The following NOTCH2 variants were observed in gnomAD, a reference collection of about 807,000 sequenced individuals.
NOTCH2 encodes the protein neurogenic locus notch homolog protein 2.
Under a neutral mutation model 235.8 loss-of-function variants are expected in NOTCH2, and 29 were observed. The observed-to-expected ratio is 0.12, with a 90% CI of 0.09 to 0.17. The LOEUF (loss-of-function observed/expected upper bound fraction) is 0.17, where lower values mean the gene tolerates loss of function less well. Among genes scored for constraint, NOTCH2 ranks in the 10% least tolerant of loss-of-function variants. The pLI is 1.00. For missense variants in NOTCH2, 2,285 were observed against 3,150.2 expected, an observed-to-expected ratio of 0.73 and a Z score of 6.57; for synonymous variants, 1,086 against 1,141.5, an observed-to-expected ratio of 0.95 and a Z score of 0.98.
At chr1:120,039,409 C>CGT (rs1208782219) in intron 1 of NOTCH2, among the ~76,000 whole-genome samples, 1 of 127,060 alleles carries the variant, frequency 7.9e-6, no homozygotes, top group African/African-American at 3.1e-5. Context: ...CTTTTTAAAG[C>CGT]TTTTTTTTTT....
At chr1:120,000,213 G>A (rs1447222152) in intron 3 of NOTCH2, among the ~76,000 whole-genome samples, 1 of 151,856 alleles carries the variant, frequency 6.6e-6, no homozygotes, top group African/African-American at 2.4e-5. Context: ...TTCCTAAAGT[G>A]ATAGACAAAA....
intron 11 of NOTCH2, among the ~76,000 whole-genome samples, chr1:119,962,399 T>C (rs1201108207): frequency 1.3e-5 from 2 of 152,192 alleles, no homozygotes; most frequent in African/African-American, 2.4e-5. Context: ...CGGAAGCAAA[T>C]TGCTTTTGGA....
chr1:119,986,911 G>C (rs1652040733), intron 5 of NOTCH2, 49 bp downstream of exon 5: 1 of 1,612,326 alleles, frequency 6.2e-7, no homozygotes. Flanking sequence ...GTCTGCCTCT[G>C]GTTACCAATC....
intron 5 of NOTCH2, among the ~76,000 whole-genome samples, chr1:119,982,616 A>G (rs1553201794): frequency 2.6e-5 from 4 of 152,254 alleles, no homozygotes; most frequent in African/African-American, 9.6e-5. Context: ...AGTATAATAA[A>G]GACGTTTGTG....
chr1:119,999,917 G>GAGAAAGAAAGAAAGAAAGAA (rs71260137), intron 3 of NOTCH2, among the ~76,000 whole-genome samples: 1 of 91,100 alleles, frequency 1.1e-5, no homozygotes, highest in Non-Finnish European at 2.4e-5. Context: ...GAGAAAGAGA[G>GAGAAAGAAAGAAAGAAAGAA]AGAAAGAAAG....
intron 22 of NOTCH2, among the ~76,000 whole-genome samples, chr1:119,931,678 C>A (rs1190217025): frequency 6.6e-6 from 1 of 151,760 alleles, no homozygotes; most frequent in African/African-American, 2.4e-5. Context: ...ATATAAAAAA[C>A]AAAATATTCA....
Position 119,915,048 on chromosome 1 carries a change from C to A in NOTCH2, c.*258G>T, listed in dbSNP as rs2101140699. On this transcript the variant is annotated 3_prime_UTR_variant, in exon 34 of 34. Transcript: ENST00000256646. The stretch of plus-strand genomic sequence containing the variant: ...TATTCTCCAAATAGAAGAGAGTAAA[C>A]ATGGACCCAAGGCTTGTATTCATCT... The A allele has an allele frequency of 1.9e-6, 1 of 533,400 alleles. No homozygotes were observed. Among genetic ancestry groups the A allele is most frequent in the Non-Finnish European group, 3.4e-6 (1 of 295,050 alleles). The allele number at this position is 533,400 out of a possible 1,614,324, so 33.0% of individuals were successfully genotyped here.
chr1:120,037,196 G>A (rs1414221304), intron 1 of NOTCH2, among the ~76,000 whole-genome samples: 1 of 151,920 alleles, frequency 6.6e-6, no homozygotes, highest in Non-Finnish European at 1.5e-5. Flanking sequence ...TTAACGTCTT[G>A]ACTGTCTGAG....
chr1:119,948,624 C>A, intron 16 of NOTCH2, 58 bp from the exon 17 acceptor site: 3 of 1,598,568 alleles, frequency 1.9e-6, no homozygotes, highest in Non-Finnish European at 2.6e-6. Flanking sequence ...CCACAAAAAT[C>A]TACGCAGGAC....
intron 22 of NOTCH2, among the ~76,000 whole-genome samples, chr1:119,930,981 T>C (rs782725082): frequency 3.9e-4 from 59 of 150,374 alleles, no homozygotes; most frequent in Admixed American, 1.3e-3. Context: ...CGGGCGCTTG[T>C]AGTCCCAGCT....
intron 17 of NOTCH2, among the ~76,000 whole-genome samples, chr1:119,942,941 TG>T (rs1553196643): frequency 6.6e-6 from 1 of 151,396 alleles, no homozygotes; most frequent in Non-Finnish European, 1.5e-5. Context: ...GGCACAATCT[TG>T]GCTCACTGCA....
At chr1:120,047,760 C>A (rs1182005750) in intron 1 of NOTCH2, among the ~76,000 whole-genome samples, 1 of 142,776 alleles carries the variant, frequency 7.0e-6, no homozygotes, top group South Asian at 2.2e-4. Context: ...AATTACTTTA[C>A]CTTGGTTTTT....
rs1553197600 is a variant in NOTCH2, at chr1:119,950,502, T to C, written c.2479+222A>G. On this transcript the variant is annotated intron_variant, in intron 15 of 33. Transcript: ENST00000256646. ...TTAAAAAAAAATTTCTTTCAAATAC[T>C]AAAGTACAATGTAGGCAAATGACTG... 1.3e-5 allele frequency: 9 copies of C among 677,540 alleles called. No individual in the cohort carries two copies. The South Asian group carries it at 1.4e-4, about 10-fold the overall frequency. The allele number at this position is 677,540 out of a possible 1,614,324, so 42.0% of individuals were successfully genotyped here. A position where few individuals can be genotyped will look rare whatever the true frequency, so the allele number is the denominator to read the frequency against.
intron 33 of NOTCH2, 113 bp from the exon 34 acceptor site, chr1:119,916,807 C>A (rs781738990): frequency 3.1e-4 from 328 of 1,057,212 alleles, no homozygotes; most frequent in Non-Finnish European, 4.5e-4. Flanking sequence ...TAATTATCTC[C>A]CCGATGAAAT....
chr1:119,916,582 C>T lies in NOTCH2; in HGVS notation c.6140G>A (p.Arg2047Gln), dbSNP rs371060516. 6.2e-5 allele frequency: 100 copies of T among 1,613,942 alleles called. No individual in the cohort carries two copies. Among genetic ancestry groups the T allele is most frequent in the Admixed American group, 4.5e-4 (27 of 60,000 alleles). Reference sequence around the variant, plus strand: ...GTGCATGCGATCCCGAGCCACATCCCGGGGAAGACGATCCATATGGTCTGT... The same window carrying T: ...GTGCATGCGATCCCGAGCCACATCCTGGGGAAGACGATCCATATGGTCTGT... Reference protein sequence around the residue: ...DITDHMDRLPRDVARDRMHHD... With the variant: ...DITDHMDRLPQDVARDRMHHD... Residue 2047 changes from arginine to glutamine, a missense_variant, in exon 34 of 34, where the codon CGG becomes CAG. Transcript: ENST00000256646.
chr1:119,957,881 CACAA>C (rs1345808220), intron 12 of NOTCH2, among the ~76,000 whole-genome samples: 2 of 144,320 alleles, frequency 1.4e-5, no homozygotes, highest in Non-Finnish European at 3.0e-5. Flanking sequence ...CACACACACA[CACAA>C]CAGGCCCCTA....
At chr1:119,924,275 A>G (rs756200014) in intron 25 of NOTCH2, among the ~76,000 whole-genome samples, 2 of 152,232 alleles carry the variant, frequency 1.3e-5, no homozygotes, top group Non-Finnish European at 1.5e-5. Context: ...ACAAAGCTGC[A>G]TATCTGAAAC....
Position 119,914,905 on chromosome 1 carries a change from G to A in NOTCH2, c.*401C>T, listed in dbSNP as rs186025859. On this transcript the variant is annotated 3_prime_UTR_variant, in exon 34 of 34. Transcript: ENST00000256646. ...TAGGTCAATTCAGGCAGAATTCCAGGGCATAATTCCCAACAGGACGCTAGT... is the reference window on the plus strand; with the variant it reads ...TAGGTCAATTCAGGCAGAATTCCAGAGCATAATTCCCAACAGGACGCTAGT... The A allele has an allele frequency of 7.0e-4, 254 of 365,110 alleles. 2 individuals carry two copies. The highest frequency in any genetic ancestry group is 4.7e-3 in the African/African-American group (234 of 49,676). 22.6% of individuals were successfully genotyped at this position (365,110 alleles called of 1,614,324 possible). A position where few individuals can be genotyped will look rare whatever the true frequency, so the allele number is the denominator to read the frequency against.
chr1:119,948,690 G>A (rs917619955), intron 16 of NOTCH2, 124 bp from the exon 17 acceptor site: 3 of 1,140,522 alleles, frequency 2.6e-6, no homozygotes, highest in East Asian at 2.4e-5. Context: ...TTGGCCCCCT[G>A]CTTTAGGAAG....
Sources: allele counts gnomAD v4.1 joint callset (sites outside exome capture counted in the v4.1 genomes callset), GRCh38; gene constraint gnomAD v4.1.1; transcripts MANE v1.5; gene names NCBI Gene and HGNC (gene_info 2026-07-23, HGNC 2026-07-21).